The following UNC13C variants were observed in gnomAD, a reference collection of about 807,000 sequenced individuals.
UNC13C encodes unc-13 homolog C.
UNC13C carries 174 observed loss-of-function variants against 245.4 expected under a neutral mutation model. That is an observed-to-expected ratio of 0.71 (90% confidence interval 0.63 to 0.80). The LOEUF (loss-of-function observed/expected upper bound fraction) is 0.80. UNC13C is among the 30% of genes least tolerant of loss of function. UNC13C has a pLI of 0.00. For missense variants in UNC13C, 2,829 were observed against 2,602.9 expected, an observed-to-expected ratio of 1.09 and a Z score of -1.89; for synonymous variants, 992 against 895.1, an observed-to-expected ratio of 1.11 and a Z score of -1.93.
chr15:54,393,307 AT>A, intron 18 of UNC13C, 126 bp downstream of exon 18: 4 of 855,666 alleles, frequency 4.7e-6, no homozygotes, highest in Non-Finnish European at 4.8e-6. Flanking sequence ...AGAAAATAGT[AT>A]TTTTCAACTT....
chr15:54,220,475 T>C (rs2035189864), intron 4 of UNC13C, among the ~76,000 whole-genome samples: 1 of 149,072 alleles, frequency 6.7e-6, no homozygotes, highest in Non-Finnish European at 1.5e-5. Flanking sequence ...AGGGATAGCA[T>C]TAGGAGATAC....
chr15:54,629,783 C>T (rs879876548), downstream of UNC13C: 1 of 152,056 alleles, frequency 6.6e-6, no homozygotes, highest in Non-Finnish European at 1.5e-5. Flanking sequence ...TTAAATTGAG[C>T]AAGGTATTTT....
intron 2 of UNC13C, among the ~76,000 whole-genome samples, chr15:54,066,200 TAAGTA>T (rs1042537951): frequency 7.2e-5 from 11 of 152,318 alleles, no homozygotes; most frequent in African/African-American, 2.6e-4. Flanking sequence ...TCTGAATTAA[TAAGTA>T]AAGAGTTATA....
intron 4 of UNC13C, among the ~76,000 whole-genome samples, chr15:54,146,219 C>T (rs1448541630): frequency 6.6e-6 from 1 of 152,014 alleles, no homozygotes; most frequent in Non-Finnish European, 1.5e-5. Flanking sequence ...CTTCTATTAT[C>T]CTAAAAAACT....
chr15:53,934,142 A>T, the UNC13C span, among the ~76,000 whole-genome samples: 1 of 152,232 alleles, frequency 6.6e-6, no homozygotes, highest in African/African-American at 2.4e-5. Context: ...ACCAGATCTC[A>T]CAAGATCTCA....
intron 18 of UNC13C, among the ~76,000 whole-genome samples, chr15:54,398,080 A>G (rs1413157798): frequency 6.6e-6 from 1 of 151,382 alleles, no homozygotes; most frequent in Admixed American, 6.6e-5. Context: ...TATCATGTTA[A>G]CTAACTGTTT....
chr15:54,176,167 T>C (rs2033606260), intron 4 of UNC13C, among the ~76,000 whole-genome samples: 2 of 143,772 alleles, frequency 1.4e-5, no homozygotes, highest in Admixed American at 7.1e-5. Flanking sequence ...ACATTCTTTT[T>C]AACCACAATC....
chr15:54,008,247 T>G (rs1040007589), intron 1 of UNC13C, among the ~76,000 whole-genome samples: 3 of 152,238 alleles, frequency 2.0e-5, no homozygotes, highest in African/African-American at 7.2e-5. Flanking sequence ...TCTGTTCAAA[T>G]CTGGGGTTCG....
intron 14 of UNC13C, among the ~76,000 whole-genome samples, chr15:54,329,591 T>C (rs899783935): frequency 6.6e-6 from 1 of 152,042 alleles, no homozygotes. Context: ...GTAGGCTTGC[T>C]CTGCTCTGCA....
intron 25 of UNC13C, among the ~76,000 whole-genome samples, chr15:54,531,384 G>C (rs1345094160): frequency 6.6e-6 from 1 of 152,160 alleles, no homozygotes; most frequent in East Asian, 1.9e-4. Context: ...TTGAATTTTA[G>C]ATACATAAGG....
intron 4 of UNC13C, among the ~76,000 whole-genome samples, chr15:54,199,543 C>A (rs895826356): frequency 6.6e-6 from 1 of 151,942 alleles, no homozygotes; most frequent in African/African-American, 2.4e-5. Context: ...TTTTTGACCT[C>A]CTTAAAAAAA....
chr15:54,314,420 TTTTA>T (rs1424532271), intron 13 of UNC13C, among the ~76,000 whole-genome samples: 3 of 140,230 alleles, frequency 2.1e-5, no homozygotes, highest in Non-Finnish European at 3.1e-5. Context: ...AACATGTAAT[TTTTA>T]TTTGTCAATT....
chr15:54,119,893 G>A (rs1355343959), intron 2 of UNC13C, among the ~76,000 whole-genome samples: 1 of 152,110 alleles, frequency 6.6e-6, no homozygotes, highest in Admixed American at 6.6e-5. Flanking sequence ...AAGGCCCTAA[G>A]GCTCCACAAT....
At chr15:54,278,084 A>T (rs1485411459) in intron 10 of UNC13C, among the ~76,000 whole-genome samples, 2 of 152,032 alleles carry the variant, frequency 1.3e-5, no homozygotes, top group Non-Finnish European at 2.9e-5. Context: ...CTCTCTACCG[A>T]CCTAACTTTC....
chr15:54,169,633 C>T (rs948117416), intron 4 of UNC13C, among the ~76,000 whole-genome samples: 5 of 152,144 alleles, frequency 3.3e-5, no homozygotes, highest in Non-Finnish European at 7.4e-5. Flanking sequence ...CACTGCCCAC[C>T]ATTCTGACCT....
At chr15:54,345,980 G>T (rs1476956398) in intron 17 of UNC13C, among the ~76,000 whole-genome samples, 1 of 152,148 alleles carries the variant, frequency 6.6e-6, no homozygotes, top group Non-Finnish European at 1.5e-5. Flanking sequence ...CCGCAGCTCA[G>T]CTAACTTTTT....
At chr15:53,904,426 T>A in the UNC13C span, among the ~76,000 whole-genome samples, 1 of 152,176 alleles carries the variant, frequency 6.6e-6, no homozygotes, top group Non-Finnish European at 1.5e-5. Context: ...TCTATCTATA[T>A]GCACTGCGCC....
chr15:54,320,145 A>G (rs1045627505), intron 13 of UNC13C, among the ~76,000 whole-genome samples: 3 of 152,002 alleles, frequency 2.0e-5, no homozygotes, highest in African/African-American at 7.2e-5. Flanking sequence ...TATTAATTCA[A>G]TGTATATTGA....
At chr15:54,500,045 C>T (rs779893299) in intron 20 of UNC13C, 34 bp from the exon 21 acceptor site, 5 of 1,474,390 alleles carry the variant, frequency 3.4e-6, no homozygotes, top group Non-Finnish European at 4.7e-6. Flanking sequence ...AAATGATGTC[C>T]TTTGTGGTAT....
Sources: allele counts gnomAD v4.1 joint callset (sites outside exome capture counted in the v4.1 genomes callset), GRCh38; gene constraint gnomAD v4.1.1; transcripts MANE v1.5; gene names NCBI Gene and HGNC (gene_info 2026-07-23, HGNC 2026-07-21).